Variants in DLGAP2 observed in about 807,000 individuals in gnomAD.
DLGAP2 encodes the protein disks large-associated protein 2.
DLGAP2 carries 26 observed loss-of-function variants against 100.3 expected under a neutral mutation model. The ratio of observed to expected loss-of-function variants is 0.26; its 90% CI spans 0.19 to 0.36. The LOEUF (loss-of-function observed/expected upper bound fraction) is 0.36, where lower values mean the gene tolerates loss of function less well. Among genes scored for constraint, DLGAP2 ranks in the 10% least tolerant of loss-of-function variants. DLGAP2 has a pLI of 1.00. For synonymous variants in DLGAP2, 886 were observed against 630.1 expected, an observed-to-expected ratio of 1.41 and a Z score of -6.08; for missense variants, 1,858 against 1,453.2, an observed-to-expected ratio of 1.28 and a Z score of -4.53.
intron 3 of DLGAP2, among the ~76,000 whole-genome samples, chr8:1,289,482 A>C (rs1800011853): frequency 6.6e-6 from 1 of 152,140 alleles, no homozygotes; most frequent in Non-Finnish European, 1.5e-5. Context: ...TGCACACTGG[A>C]CAGTATCAGT....
At chr8:1,668,203 T>G (rs938075882) in intron 8 of DLGAP2, 126 bp from the exon 9 acceptor site, 70 of 842,012 alleles carry the variant, frequency 8.3e-5, no homozygotes, top group Non-Finnish European at 1.2e-4. Context: ...CACGCTATTT[T>G]TTTAGGCTAG....
intron 3 of DLGAP2, among the ~76,000 whole-genome samples, chr8:1,356,699 C>G (rs1288000630): frequency 1.3e-5 from 2 of 152,158 alleles, no homozygotes; most frequent in South Asian, 4.1e-4. Flanking sequence ...CGATCATTCG[C>G]CACAATGTAA....
intron 2 of DLGAP2, among the ~76,000 whole-genome samples, chr8:910,882 C>T (rs1047500299): frequency 1.3e-5 from 2 of 151,930 alleles, no homozygotes; most frequent in African/African-American, 2.4e-5. Flanking sequence ...AGGCCTTGGG[C>T]GCGGTGTCCT....
At chr8:1,571,101 G>T (rs1361763375) in intron 6 of DLGAP2, among the ~76,000 whole-genome samples, 1 of 134,710 alleles carries the variant, frequency 7.4e-6, no homozygotes, top group Non-Finnish European at 1.6e-5. Context: ...TGAACTGTGG[G>T]GACATCTGAT....
intron 8 of DLGAP2, among the ~76,000 whole-genome samples, chr8:1,640,192 T>C (rs1004951859): frequency 7.9e-5 from 12 of 152,168 alleles, no homozygotes; most frequent in African/African-American, 2.9e-4. Context: ...CAAATCCTTG[T>C]CGTAAATCCA....
At chr8:1,689,473 C>T (rs1016152089) in intron 12 of DLGAP2, among the ~76,000 whole-genome samples, 1 of 152,212 alleles carries the variant, frequency 6.6e-6, no homozygotes, top group Non-Finnish European at 1.5e-5. Context: ...GGATAAATGC[C>T]CCCTTTTCCT....
intron 3 of DLGAP2, among the ~76,000 whole-genome samples, chr8:1,357,143 C>G (rs1049420399): frequency 2.6e-5 from 4 of 152,126 alleles, no homozygotes; most frequent in African/African-American, 9.7e-5. Context: ...AAGACGTGTG[C>G]TCTTCACCAG....
intron 3 of DLGAP2, among the ~76,000 whole-genome samples, chr8:1,321,682 A>G (rs1324506517): frequency 6.6e-6 from 1 of 152,226 alleles, no homozygotes; most frequent in African/African-American, 2.4e-5. Flanking sequence ...TTAAAATCAC[A>G]TGCATAGAAC....
intron 2 of DLGAP2, among the ~76,000 whole-genome samples, chr8:1,185,969 C>G (rs1797495138): frequency 6.6e-6 from 1 of 152,168 alleles, no homozygotes; most frequent in African/African-American, 2.4e-5. Flanking sequence ...CTGTCACCTC[C>G]CTCCAGGAAG....
chr8:1,002,171 G>A (rs944632850), intron 2 of DLGAP2: 1 of 152,252 alleles, frequency 6.6e-6, no homozygotes, highest in South Asian at 2.1e-4. Context: ...AGCTAAGGAG[G>A]GGGAGCCTGG....
At chr8:1,088,897 C>T (rs1804072882) in intron 2 of DLGAP2, among the ~76,000 whole-genome samples, 1 of 130,774 alleles carries the variant, frequency 7.6e-6, no homozygotes, top group Non-Finnish European at 1.6e-5. Context: ...CGTTCTCGCT[C>T]CCCCCGCCTC....
chr8:1,699,408 A>C (rs1799505780), intron 14 of DLGAP2, among the ~76,000 whole-genome samples: 1 of 151,892 alleles, frequency 6.6e-6, no homozygotes, highest in Non-Finnish European at 1.5e-5. Flanking sequence ...GATCAAGATC[A>C]TACTGGCTAA....
chr8:798,976 T>G (rs1796093456), intron 1 of DLGAP2, among the ~76,000 whole-genome samples: 1 of 152,218 alleles, frequency 6.6e-6, no homozygotes, highest in Non-Finnish European at 1.5e-5. Context: ...TCTTGGAGTG[T>G]TTTTGTGTGT....
chr8:1,384,617 C>G (rs531572763), intron 3 of DLGAP2, among the ~76,000 whole-genome samples: 253 of 143,358 alleles, frequency 1.8e-3, no homozygotes, highest in African/African-American at 6.3e-3. Flanking sequence ...ACTTGGTGCA[C>G]AGTTACCCCG....
intron 2 of DLGAP2, among the ~76,000 whole-genome samples, chr8:1,006,018 G>C (rs1584966473): frequency 6.6e-6 from 1 of 152,022 alleles, no homozygotes; most frequent in Non-Finnish European, 1.5e-5. Flanking sequence ...GTGAAACCCT[G>C]TCTCTACTAA....
At chr8:1,448,724 T>G (rs1798052857) in intron 3 of DLGAP2, among the ~76,000 whole-genome samples, 1 of 152,266 alleles carries the variant, frequency 6.6e-6, no homozygotes, top group Non-Finnish European at 1.5e-5. Flanking sequence ...TTTTTAAATG[T>G]ACTTTTTTCA....
chr8:1,493,869 A>T (rs543360050), intron 3 of DLGAP2, among the ~76,000 whole-genome samples: 1 of 152,348 alleles, frequency 6.6e-6, no homozygotes, highest in Admixed American at 6.5e-5. Flanking sequence ...TGCTGACAGC[A>T]TCTGTTTTAT....
At chr8:1,174,234 A>T (rs958437280) in intron 2 of DLGAP2, among the ~76,000 whole-genome samples, 1 of 152,026 alleles carries the variant, frequency 6.6e-6, no homozygotes, top group Non-Finnish European at 1.5e-5. Flanking sequence ...TTCTGCAGGG[A>T]ATGTGATAAG....
intron 2 of DLGAP2, among the ~76,000 whole-genome samples, chr8:1,121,052 C>A (rs116319299): frequency 0.013 from 1,924 of 151,732 alleles, 43 homozygotes; most frequent in African/African-American, 0.044. Flanking sequence ...CTTCAGAACC[C>A]ATGACCTCCC....
Sources: gnomAD v4.1 joint callset for allele counts (sites outside exome capture counted in the v4.1 genomes callset) on GRCh38, gnomAD v4.1.1 for gene constraint, MANE v1.5 for transcripts, NCBI Gene and HGNC (gene_info 2026-07-23, HGNC 2026-07-21) for gene names.